The following PRKD1 variants were observed in gnomAD, a reference collection of about 807,000 sequenced individuals.
The protein encoded by PRKD1 is serine/threonine-protein kinase D1.
Under a neutral mutation model 95.9 loss-of-function variants are expected in PRKD1, and 63 were observed. That is an observed-to-expected ratio of 0.66 (90% confidence interval 0.54 to 0.81). The LOEUF is 0.81. Among genes scored for constraint, PRKD1 ranks in the 30% least tolerant of loss-of-function variants. The pLI, the probability that PRKD1 is intolerant of heterozygous loss-of-function variation, is 0.00. For missense variants in PRKD1, 1,048 were observed against 1,165.3 expected, an observed-to-expected ratio of 0.90 and a Z score of 1.47; for synonymous variants, 425 against 423.1, an observed-to-expected ratio of 1.00 and a Z score of -0.05.
intron 2 of PRKD1, among the ~76,000 whole-genome samples, chr14:29,692,931 T>C (rs1356680609): frequency 6.6e-6 from 1 of 152,166 alleles, no homozygotes; most frequent in African/African-American, 2.4e-5. Flanking sequence ...ACAACAAATA[T>C]CCACATATAA....
At chr14:29,887,062 G>A (rs1893734331) in intron 1 of PRKD1, among the ~76,000 whole-genome samples, 3 of 152,154 alleles carry the variant, frequency 2.0e-5, no homozygotes, top group Admixed American at 2.0e-4. Context: ...TTCCAGCAAT[G>A]ATGCACCAAA....
chr14:29,667,496 T>G (rs1173143740), intron 2 of PRKD1, among the ~76,000 whole-genome samples: 1 of 152,312 alleles, frequency 6.6e-6, no homozygotes, highest in South Asian at 2.1e-4. Flanking sequence ...CACAATATAA[T>G]TGTCAATGCT....
At chr14:29,685,662 T>C (rs930339786) in intron 2 of PRKD1, among the ~76,000 whole-genome samples, 7 of 152,128 alleles carry the variant, frequency 4.6e-5, no homozygotes, top group African/African-American at 1.7e-4. Flanking sequence ...TTGTGGATCT[T>C]TGGTTTAATA....
intron 16 of PRKD1, chr14:29,592,568 CATACATACAGATAG>C (rs1224621223): frequency 6.0e-5 from 9 of 149,120 alleles, no homozygotes; most frequent in African/African-American, 2.2e-4. Flanking sequence ...AAACTAAATA[CATACATACAGATAG>C]ACAGAAGTAA....
chr14:29,587,282 A>G (rs147883058), intron 16 of PRKD1, among the ~76,000 whole-genome samples: 3 of 152,162 alleles, frequency 2.0e-5, no homozygotes, highest in Non-Finnish European at 4.4e-5. Context: ...TACTCAGTGG[A>G]TTGGCACTTG....
At chr14:29,677,332 C>T (rs1045879102) in intron 2 of PRKD1, among the ~76,000 whole-genome samples, 2 of 152,042 alleles carry the variant, frequency 1.3e-5, no homozygotes, top group African/African-American at 4.8e-5. Context: ...GAAATTAAGG[C>T]TTTCAGTATG....
At chr14:29,746,527 T>TACACAC (rs1185689162) in intron 1 of PRKD1, among the ~76,000 whole-genome samples, 26 of 146,166 alleles carry the variant, frequency 1.8e-4, no homozygotes, top group South Asian at 8.5e-4. Flanking sequence ...TGTGTGTACA[T>TACACAC]ATATACACAC....
rs751018308 is a variant in PRKD1 at position 29,738,391 on chromosome 14, T to C, written c.265-12717A>G. The stretch of plus-strand genomic sequence containing the variant: ...ACTCCCTGCCAAAGTAGGCAGAAAA[T>C]GAATGATGTTCTATCATACAATAAT... On this transcript the variant is annotated intron_variant, in intron 1 of 17. Coordinates refer to ENST00000331968, the MANE Select transcript of PRKD1 (RefSeq NM_002742.3). Among the ~76,000 whole-genome samples, 5 of 152,128 alleles carry C rather than the reference T, an allele frequency of 3.3e-5. No homozygotes were observed. In the East Asian group the frequency reaches 5.8e-4, roughly 18 times the overall value.
chr14:29,916,224 G>A (rs1402377802), intron 1 of PRKD1, among the ~76,000 whole-genome samples: 1 of 152,134 alleles, frequency 6.6e-6, no homozygotes, highest in Non-Finnish European at 1.5e-5. Context: ...GTTGCTCTTT[G>A]GAGCTCTCAC....
intron 1 of PRKD1, among the ~76,000 whole-genome samples, chr14:29,857,955 C>G (rs1644831918): frequency 6.6e-6 from 1 of 152,168 alleles, no homozygotes; most frequent in Admixed American, 6.5e-5. Flanking sequence ...CATAGTACCA[C>G]AGTGAAATTT....
intron 16 of PRKD1, among the ~76,000 whole-genome samples, chr14:29,582,138 A>T (rs1212189450): frequency 1.3e-5 from 2 of 152,190 alleles, no homozygotes; most frequent in Admixed American, 1.3e-4. Context: ...GGAATAATAC[A>T]TTTTAAGTAA....
chr14:29,766,566 C>T (rs554941122), intron 1 of PRKD1, among the ~76,000 whole-genome samples: 1 of 152,302 alleles, frequency 6.6e-6, no homozygotes, highest in African/African-American at 2.4e-5. Flanking sequence ...GCCATGGTCA[C>T]ATAACTGTTC....
intron 1 of PRKD1, among the ~76,000 whole-genome samples, chr14:29,828,793 A>G (rs1211708697): frequency 6.6e-6 from 1 of 152,220 alleles, no homozygotes; most frequent in African/African-American, 2.4e-5. Context: ...AAGATTTTTA[A>G]ATGGCCACAA....
chr14:29,887,992 T>C (rs572165822), intron 1 of PRKD1, among the ~76,000 whole-genome samples: 2 of 152,326 alleles, frequency 1.3e-5, no homozygotes, highest in South Asian at 4.1e-4. Flanking sequence ...TCTGTTAGAC[T>C]TGAAGCAATG....
chr14:29,906,275 A>G (rs973972478), intron 1 of PRKD1, among the ~76,000 whole-genome samples: 5 of 152,198 alleles, frequency 3.3e-5, no homozygotes, highest in Admixed American at 3.3e-4. Flanking sequence ...GTAGTAGGCC[A>G]TGCCTGCAAC....
chr14:29,710,839 A>AT (rs1391326793), intron 2 of PRKD1, among the ~76,000 whole-genome samples: 23 of 152,246 alleles, frequency 1.5e-4, no homozygotes, highest in Middle Eastern at 3.4e-3. Context: ...TTGTTAAAAA[A>AT]ATATATATTA....
chr14:29,783,712 TTTGA>T (rs1212156738), intron 1 of PRKD1, among the ~76,000 whole-genome samples: 3 of 152,198 alleles, frequency 2.0e-5, no homozygotes, highest in African/African-American at 7.2e-5. Context: ...TCACTGTGGT[TTTGA>T]TTTGCATTTT....
intron 1 of PRKD1, among the ~76,000 whole-genome samples, chr14:29,821,700 A>G (rs1170248454): frequency 6.6e-6 from 1 of 152,186 alleles, no homozygotes; most frequent in East Asian, 1.9e-4. Flanking sequence ...GAACACATTC[A>G]CCCTCTTTTA....
intron 13 of PRKD1, among the ~76,000 whole-genome samples, chr14:29,604,058 G>A (rs1002949544): frequency 6.6e-6 from 1 of 152,040 alleles, no homozygotes; most frequent in Non-Finnish European, 1.5e-5. Context: ...ATAATCAATG[G>A]AAATTAGTCA....
Sources: allele counts gnomAD v4.1 joint callset (sites outside exome capture counted in the v4.1 genomes callset), GRCh38; gene constraint gnomAD v4.1.1; transcripts MANE v1.5; gene names NCBI Gene and HGNC (gene_info 2026-07-23, HGNC 2026-07-21).